The following PRKCE variants were observed in gnomAD, a reference collection of about 807,000 sequenced individuals.
PRKCE encodes the protein protein kinase C epsilon type.
In PRKCE, 16 loss-of-function variants were observed where a neutral mutation model predicts 85.4. The ratio of observed to expected loss-of-function variants is 0.19; its 90% CI spans 0.13 to 0.28. The LOEUF is 0.28. Ranked by LOEUF, PRKCE falls within the 10% of genes least tolerant of loss-of-function variation. The pLI, the probability that PRKCE is intolerant of heterozygous loss-of-function variation, is 1.00. For missense variants in PRKCE, 573 were observed against 975.2 expected (o/e 0.59, Z 5.49); for synonymous variants, 388 against 371.5 (o/e 1.04, Z -0.51).
intron 11 of PRKCE, among the ~76,000 whole-genome samples, chr2:46,094,362 C>G (rs984561374): frequency 2.0e-5 from 3 of 152,180 alleles, no homozygotes; most frequent in African/African-American, 7.2e-5. Flanking sequence ...AATATTGAGA[C>G]TTTCCTTTTA....
At chr2:45,747,166 A>G (rs1573183313) in intron 1 of PRKCE, among the ~76,000 whole-genome samples, 2 of 152,218 alleles carry the variant, frequency 1.3e-5, no homozygotes, top group East Asian at 1.9e-4. Context: ...ATATGAAACA[A>G]CTGGGTATTT....
chr2:45,906,619 C>A (rs1287256740), intron 2 of PRKCE, among the ~76,000 whole-genome samples: 1 of 152,148 alleles, frequency 6.6e-6, no homozygotes, highest in East Asian at 1.9e-4. Flanking sequence ...TTTGATCTTA[C>A]CTCTGCTGGG....
rs537650520 is a variant in PRKCE, at chr2:45,713,377, G to A, written c.348+60929G>A. 1.6e-4 allele frequency among the ~76,000 whole-genome samples: 24 copies of A among 152,198 alleles called. 1 individual carries two copies. In the South Asian group the frequency reaches 5.0e-3, roughly 32 times the overall value. ...ATTTGTGTGATGCCTGATGGTAATGGATAGCTGTAAAGACTCATTATGTCC... is the reference window on the plus strand; with the variant it reads ...ATTTGTGTGATGCCTGATGGTAATGAATAGCTGTAAAGACTCATTATGTCC... On this transcript the variant is annotated intron_variant, in intron 1 of 14. Coordinates refer to ENST00000306156, the MANE Select transcript of PRKCE (RefSeq NM_005400.3).
intron 11 of PRKCE, among the ~76,000 whole-genome samples, chr2:46,103,735 A>G (rs552799846): frequency 3.0e-4 from 45 of 152,230 alleles, no homozygotes; most frequent in Non-Finnish European, 6.0e-4. Flanking sequence ...AATGTAAGCT[A>G]GAGAAAAGAA....
chr2:45,862,196 A>T (rs1038441657), intron 2 of PRKCE, among the ~76,000 whole-genome samples: 1 of 96,866 alleles, frequency 1.0e-5, no homozygotes, highest in Non-Finnish European at 2.4e-5. Flanking sequence ...ACACACACAC[A>T]CACACACACA....
chr2:46,007,584 C>T lies in PRKCE; in HGVS notation c.1186C>T (p.Arg396Trp), dbSNP rs1195797422. 3 of 1,599,650 alleles carry T rather than the reference C, an allele frequency of 1.9e-6. No individual in the cohort carries two copies. Among genetic ancestry groups the T allele is most frequent in the East Asian group, 4.5e-5 (2 of 44,878 alleles). The change falls in exon 9 of 15, where the codon CGG (arginine) becomes TGG (tryptophan). Residue 396 changes from arginine (R) to tryptophan (W), a missense_variant. By Grantham distance (101) the Arg-to-Trp change is moderately radical. Transcript: ENST00000306156. ...GAGCCCCGGTGAGAATGGCGAAGTC[C>T]GGCAAGGCCAGGCCAAGCGCCTGGG... ...LMSPGENGEV[R>W]QGQAKRLGLD...
chr2:45,859,039 T>G (rs1692923264), intron 2 of PRKCE, among the ~76,000 whole-genome samples: 1 of 108,900 alleles, frequency 9.2e-6, no homozygotes, highest in African/African-American at 3.6e-5. Flanking sequence ...GGACTCCATC[T>G]CTAAATAAAT....
At chr2:45,819,717 C>T (rs1689369332) in intron 1 of PRKCE, among the ~76,000 whole-genome samples, 2 of 152,226 alleles carry the variant, frequency 1.3e-5, no homozygotes, top group Admixed American at 6.5e-5. Context: ...AACTGTTCAA[C>T]TCAAAGCCTT....
At chr2:46,173,371 A>G (rs967880032) in intron 14 of PRKCE, among the ~76,000 whole-genome samples, 2 of 152,226 alleles carry the variant, frequency 1.3e-5, no homozygotes, top group Non-Finnish European at 2.9e-5. Context: ...CTGGCCTTTC[A>G]CAGAAAAAAA....
intron 2 of PRKCE, among the ~76,000 whole-genome samples, chr2:45,909,397 T>A (rs762013990): frequency 6.9e-6 from 1 of 145,096 alleles, no homozygotes; most frequent in South Asian, 2.4e-4. Context: ...TTGCCAGTAC[T>A]GTGCATCATA....
At chr2:46,087,013 T>C (rs1055047295) in intron 11 of PRKCE, among the ~76,000 whole-genome samples, 1 of 152,204 alleles carries the variant, frequency 6.6e-6, no homozygotes, top group East Asian at 1.9e-4. Flanking sequence ...AAGGCTCTTC[T>C]GTGAGGTCAG....
intron 2 of PRKCE, among the ~76,000 whole-genome samples, chr2:45,874,480 G>T (rs546851677): frequency 1.2e-4 from 18 of 152,350 alleles, no homozygotes; most frequent in Non-Finnish European, 2.2e-4. Context: ...CCACATTTTG[G>T]CAGTGGCTCT....
chr2:46,051,300 A>G (rs1708844189), intron 10 of PRKCE, among the ~76,000 whole-genome samples: 1 of 152,196 alleles, frequency 6.6e-6, no homozygotes, highest in Non-Finnish European at 1.5e-5. Context: ...TTCTGGTGGC[A>G]AGAAGCTGTC....
intron 1 of PRKCE, among the ~76,000 whole-genome samples, chr2:45,670,018 A>G (rs928470325): frequency 2.6e-5 from 4 of 152,224 alleles, no homozygotes; most frequent in African/African-American, 9.6e-5. Flanking sequence ...CTCAAAATAA[A>G]ATAAAATAAA....
At chr2:46,107,813 T>C (rs945234781) in intron 11 of PRKCE, among the ~76,000 whole-genome samples, 1 of 152,258 alleles carries the variant, frequency 6.6e-6, no homozygotes, top group African/African-American at 2.4e-5. Context: ...TAAATGATGT[T>C]ACACATCTTT....
rs1675938238 is a variant in PRKCE, at chr2:46,145,089, G to T, written c.1593-4G>T. 6.3e-7 allele frequency: 1 copy of T among 1,599,728 alleles called. No individual in the cohort carries two copies. Among genetic ancestry groups the T allele is most frequent in the Non-Finnish European group, 8.5e-7 (1 of 1,179,934 alleles). On this transcript the variant is annotated splice_region_variant and splice_polypyrimidine_tract_variant and intron_variant, in intron 11 of 14. Transcript: ENST00000306156. This position sits in a 1 kb window ranked among gnomAD's most constrained non-coding sequence, Gnocchi z 4.6. ...TGACATTATGGTCCTGGCCTATCTT[G>T]CAGGGATTTGAAACTGGACAACATC...
chr2:45,992,050 G>C (rs1460062956), intron 6 of PRKCE, among the ~76,000 whole-genome samples: 2 of 152,208 alleles, frequency 1.3e-5, no homozygotes, highest in African/African-American at 4.8e-5. Flanking sequence ...CTAGAAACTT[G>C]CACTGTGCTT....
At chr2:45,834,441 G>A (rs1195491025) in intron 1 of PRKCE, among the ~76,000 whole-genome samples, 1 of 152,212 alleles carries the variant, frequency 6.6e-6, no homozygotes, top group Non-Finnish European at 1.5e-5. Context: ...TTTTGTAAAT[G>A]GGCGTAGAAT....
At chr2:46,105,540 C>T (rs375496096) in intron 11 of PRKCE, among the ~76,000 whole-genome samples, 1 of 151,494 alleles carries the variant, frequency 6.6e-6, no homozygotes, top group African/African-American at 2.4e-5. Context: ...ATCTGTGGCA[C>T]GTATCAAGAA....
Sources: allele counts gnomAD v4.1 joint callset (sites outside exome capture counted in the v4.1 genomes callset), GRCh38; gene constraint gnomAD v4.1.1; non-coding constraint Gnocchi (gnomAD v3.1); transcripts MANE v1.5; gene names NCBI Gene and HGNC (gene_info 2026-07-23, HGNC 2026-07-21).